PTN: variants seen among roughly 807,000 people sequenced by gnomAD.
PTN encodes the protein heparin affin regulatory protein.
A neutral mutation model predicts 24.1 loss-of-function variants in PTN; 18 were observed. That is an observed-to-expected ratio of 0.75 (90% CI 0.52 to 1.11). PTN has a LOEUF of 1.11. Ranked by LOEUF, PTN falls within the 50% of genes least tolerant of loss-of-function variation. The probability of loss-of-function intolerance (pLI) is 0.00; values close to 1 mark genes in which losing one functional copy is unlikely to be tolerated. For missense variants in PTN, 163 were observed against 198.8 expected, an observed-to-expected ratio of 0.82 and a Z score of 1.08; for synonymous variants, 78 against 68.6, an observed-to-expected ratio of 1.14 and a Z score of -0.67.
chr7:137,234,787 T>C (rs1254160343), intron 4 of PTN, among the ~76,000 whole-genome samples: 1 of 152,076 alleles, frequency 6.6e-6, no homozygotes, highest in East Asian at 1.9e-4. Context: ...GATGGCCTGC[T>C]GTGTATACAG....
At chr7:137,277,343 A>G (rs1008667888) in intron 1 of PTN, among the ~76,000 whole-genome samples, 6 of 152,240 alleles carry the variant, frequency 3.9e-5, no homozygotes, top group African/African-American at 1.4e-4. Context: ...TGCAACCACT[A>G]TTGAACACAT....
chr7:137,283,648 T>G (rs549375125), intron 1 of PTN, among the ~76,000 whole-genome samples: 7 of 152,274 alleles, frequency 4.6e-5, no homozygotes, highest in Admixed American at 1.3e-4. Context: ...CCATCCACTC[T>G]GCTACATTAT....
chr7:137,336,748 G>A (rs1464107492), intron 1 of PTN, among the ~76,000 whole-genome samples: 2 of 152,156 alleles, frequency 1.3e-5, no homozygotes, highest in Non-Finnish European at 2.9e-5. Flanking sequence ...GGAGGGGGAA[G>A]AAGTGAGGAC....
intron 1 of PTN, among the ~76,000 whole-genome samples, chr7:137,269,792 C>T (rs1809242270): frequency 6.6e-6 from 1 of 151,678 alleles, no homozygotes; most frequent in Non-Finnish European, 1.5e-5. Context: ...GCTACCCTGC[C>T]CGGCTAATTT....
intron 1 of PTN, among the ~76,000 whole-genome samples, chr7:137,332,767 G>GTAT (rs2128882910): frequency 6.6e-6 from 1 of 152,190 alleles, no homozygotes. Flanking sequence ...CAAGACCAAA[G>GTAT]TATGTTTTTT....
chr7:137,237,180 C>T (rs573166573), intron 4 of PTN, among the ~76,000 whole-genome samples: 8 of 152,156 alleles, frequency 5.3e-5, no homozygotes, highest in East Asian at 1.9e-4. Flanking sequence ...TGAGGGCATT[C>T]GGATAGACCC....
chr7:137,249,771 T>C (rs1310438368), intron 4 of PTN, among the ~76,000 whole-genome samples: 4 of 152,122 alleles, frequency 2.6e-5, no homozygotes, highest in African/African-American at 9.7e-5. Context: ...CAGCCCTGCT[T>C]CATGCCTTCC....
chr7:137,329,625 T>G (rs1320405949), intron 1 of PTN, among the ~76,000 whole-genome samples: 2 of 152,204 alleles, frequency 1.3e-5, no homozygotes, highest in Non-Finnish European at 2.9e-5. Context: ...GTCACAATTT[T>G]GCACTAGGGC....
At chr7:137,315,056 C>T (rs922442055) in intron 1 of PTN, among the ~76,000 whole-genome samples, 2 of 152,150 alleles carry the variant, frequency 1.3e-5, no homozygotes, top group African/African-American at 2.4e-5. Flanking sequence ...GTAGCCAGCA[C>T]AAGGTCAGGA....
chr7:137,314,810 G>T (rs912891510), intron 1 of PTN, among the ~76,000 whole-genome samples: 4 of 151,890 alleles, frequency 2.6e-5, no homozygotes, highest in Non-Finnish European at 5.9e-5. Context: ...GGCCAGGCTG[G>T]TCTCAGACTC....
chr7:137,328,139 G>A (rs1280402230), intron 1 of PTN, among the ~76,000 whole-genome samples: 2 of 152,126 alleles, frequency 1.3e-5, no homozygotes, highest in Admixed American at 1.3e-4. Context: ...CTTCCATGCT[G>A]CCAGATTAAA....
chr7:137,231,516 T>C (rs1054827747), intron 4 of PTN, among the ~76,000 whole-genome samples: 1 of 151,950 alleles, frequency 6.6e-6, no homozygotes, highest in Non-Finnish European at 1.5e-5. Context: ...AATTGAACTA[T>C]TAATTTTGTC....
At chr7:137,307,089 G>C (rs541960132) in intron 1 of PTN, among the ~76,000 whole-genome samples, 1 of 152,024 alleles carries the variant, frequency 6.6e-6, no homozygotes, top group Non-Finnish European at 1.5e-5. Context: ...ATTAGGTATC[G>C]GTGGCATATG....
At chr7:137,239,492 TG>T (rs1808587237) in intron 4 of PTN, among the ~76,000 whole-genome samples, 1 of 152,052 alleles carries the variant, frequency 6.6e-6, no homozygotes, top group African/African-American at 2.4e-5. Context: ...GCTGGTGCGC[TG>T]CACCCACTAA....
In PTN at chr7:137,227,467, TA is replaced by T. The variant is rs35754880; in HGVS notation, c.*552del. On this transcript the variant is annotated 3_prime_UTR_variant, in exon 5 of 5. Coordinates refer to ENST00000348225, the MANE Select transcript of PTN (RefSeq NM_002825.7). ...AATTTTATGTCTTAATGCTTTTCTT[TA>T]AAAAAAAAAAAAGTCAACATTGAAC... 27,223 of 144,872 alleles carry T rather than the reference TA, an allele frequency of 0.19. 2,667 individuals are homozygous for T. Among genetic ancestry groups the T allele is most frequent in the African/African-American group, 0.25 (10,063 of 39,920 alleles). The allele number at this position is 144,872 out of a possible 1,614,324, so 9.0% of individuals were successfully genotyped here. A position where few individuals can be genotyped will look rare whatever the true frequency, so the allele number is the denominator to read the frequency against.
At chr7:137,302,997 G>T (rs1809831508) in intron 1 of PTN, among the ~76,000 whole-genome samples, 1 of 151,874 alleles carries the variant, frequency 6.6e-6, no homozygotes, top group Non-Finnish European at 1.5e-5. Context: ...AGTATTTATT[G>T]TAATCATATC....
intron 1 of PTN, among the ~76,000 whole-genome samples, chr7:137,284,799 A>G (rs976724415): frequency 6.6e-6 from 1 of 152,190 alleles, no homozygotes; most frequent in Non-Finnish European, 1.5e-5. Context: ...AATTAGAATA[A>G]AAACATCAAA....
intron 1 of PTN, among the ~76,000 whole-genome samples, chr7:137,274,608 G>C (rs1809333289): frequency 6.6e-6 from 1 of 151,902 alleles, no homozygotes; most frequent in Admixed American, 6.6e-5. Flanking sequence ...GATAGAATAG[G>C]AAAAATGCCT....
chr7:137,283,773 G>A (rs945186637), intron 1 of PTN, among the ~76,000 whole-genome samples: 2 of 151,940 alleles, frequency 1.3e-5, no homozygotes, highest in African/African-American at 4.8e-5. Context: ...ATCAGGGACG[G>A]TGATTCTGAT....
Sources: gnomAD v4.1 joint callset for allele counts (sites outside exome capture counted in the v4.1 genomes callset) on GRCh38, gnomAD v4.1.1 for gene constraint, MANE v1.5 for transcripts, NCBI Gene and HGNC (gene_info 2026-07-23, HGNC 2026-07-21) for gene names.